ROBO1: variants seen among roughly 807,000 people sequenced by gnomAD.
The protein encoded by ROBO1 is roundabout guidance receptor 1, also known as roundabout homolog 1.
ROBO1 carries 149 observed loss-of-function variants against 195.9 expected under a neutral mutation model. The observed-to-expected ratio is 0.76, with a 90% CI of 0.67 to 0.87. The LOEUF (loss-of-function observed/expected upper bound fraction) is 0.87, where lower values mean the gene tolerates loss of function less well. ROBO1 is among the 40% of genes least tolerant of loss of function. The pLI is 0.00. For missense variants in ROBO1, 1,933 were observed against 2,068.3 expected, an observed-to-expected ratio of 0.93 and a Z score of 1.27; for synonymous variants, 816 against 733.2, an observed-to-expected ratio of 1.11 and a Z score of -1.82.
At chr3:79,038,576 T>C (rs1253117391) in intron 3 of ROBO1, among the ~76,000 whole-genome samples, 2 of 152,180 alleles carry the variant, frequency 1.3e-5, no homozygotes, top group Non-Finnish European at 2.9e-5. Context: ...TGTATACTTG[T>C]TGATTTTGTA....
chr3:78,723,162 T>C (rs556986686), intron 5 of ROBO1, among the ~76,000 whole-genome samples: 1 of 152,294 alleles, frequency 6.6e-6, no homozygotes, highest in South Asian at 2.1e-4. Context: ...GTTGCGGCTG[T>C]TGTAAGATCG....
chr3:79,236,486 A>T (rs969003673), intron 2 of ROBO1, among the ~76,000 whole-genome samples: 1 of 152,216 alleles, frequency 6.6e-6, no homozygotes, highest in Non-Finnish European at 1.5e-5. Flanking sequence ...ATACATAAAA[A>T]TTAACAACTT....
At chr3:79,028,850 T>A (rs1170755309) in intron 3 of ROBO1, among the ~76,000 whole-genome samples, 1 of 152,108 alleles carries the variant, frequency 6.6e-6, no homozygotes, top group Non-Finnish European at 1.5e-5. Context: ...TGAAAATGTT[T>A]GTTTTTCACA....
intron 3 of ROBO1, among the ~76,000 whole-genome samples, chr3:79,061,964 C>T (rs1414405891): frequency 6.6e-6 from 1 of 151,448 alleles, no homozygotes; most frequent in Non-Finnish European, 1.5e-5. Context: ...ACTAAAACAC[C>T]AAAAGTAATG....
At chr3:79,459,570 T>TC (rs2039732441) in intron 2 of ROBO1, among the ~76,000 whole-genome samples, 1 of 152,100 alleles carries the variant, frequency 6.6e-6, no homozygotes, top group African/African-American at 2.4e-5. Flanking sequence ...ATGCATTTTT[T>TC]CTCTGAAAAT....
At chr3:79,715,462 G>C (rs1363854449) in intron 1 of ROBO1, among the ~76,000 whole-genome samples, 1 of 151,962 alleles carries the variant, frequency 6.6e-6, no homozygotes. Flanking sequence ...GACAATGAAG[G>C]GTCAGCATTT....
intron 5 of ROBO1, among the ~76,000 whole-genome samples, chr3:78,733,390 G>A (rs2082324307): frequency 6.6e-6 from 1 of 151,674 alleles, no homozygotes; most frequent in Non-Finnish European, 1.5e-5. Flanking sequence ...CCTTTTGAAT[G>A]TACTATTTGT....
chr3:79,569,271 AT>A (rs1276108303), intron 2 of ROBO1, among the ~76,000 whole-genome samples: 1 of 152,260 alleles, frequency 6.6e-6, no homozygotes, highest in African/African-American at 2.4e-5. Context: ...TAGGACTAAC[AT>A]AAATTGAGAA....
At chr3:79,319,620 C>T (rs934972020) in intron 2 of ROBO1, among the ~76,000 whole-genome samples, 3 of 151,704 alleles carry the variant, frequency 2.0e-5, no homozygotes, top group African/African-American at 4.8e-5. Context: ...GAAAACTGTG[C>T]CTAAAAGTGG....
Position 79,071,868 on chromosome 3 carries a change from T to A in ROBO1, c.172+53588A>T, listed in dbSNP as rs79216603. The stretch of plus-strand genomic sequence containing the variant: ...AAAGTTTGCATGGTTATTCTGTATA[T>A]TCCATAAATAAATAATTAAATCTAC... On this transcript the variant is annotated intron_variant, in intron 3 of 30. Coordinates refer to ENST00000464233, the MANE Select transcript of ROBO1 (RefSeq NM_002941.4). Among the ~76,000 whole-genome samples the A allele has an allele frequency of 6.5e-4, 98 of 151,870 alleles. No individual in the cohort carries two copies. In the East Asian group the frequency reaches 0.019, roughly 29 times the overall value.
intron 2 of ROBO1, among the ~76,000 whole-genome samples, chr3:79,142,720 C>T (rs2080553226): frequency 1.3e-5 from 2 of 151,978 alleles, no homozygotes; most frequent in African/African-American, 4.8e-5. Context: ...TTTCCATTGG[C>T]CTTTGGTTAC....
At chr3:79,115,471 C>T (rs1218106388) in intron 3 of ROBO1, among the ~76,000 whole-genome samples, 5 of 152,080 alleles carry the variant, frequency 3.3e-5, no homozygotes, top group African/African-American at 1.2e-4. Flanking sequence ...AGTCCCTCAG[C>T]GTCTTCCTCC....
At chr3:79,664,511 T>C (rs28712703) in intron 1 of ROBO1, among the ~76,000 whole-genome samples, 4,915 of 152,144 alleles carry the variant, frequency 0.032, 222 homozygotes, top group African/African-American at 0.1. Flanking sequence ...GTCAGAAATA[T>C]GCTTTAGCAT....
intron 1 of ROBO1, among the ~76,000 whole-genome samples, chr3:79,664,438 C>G (rs1326773512): frequency 6.6e-6 from 1 of 152,070 alleles, no homozygotes. Context: ...ATACAGTCTA[C>G]ATAAGCTATG....
chr3:79,491,461 T>C (rs908394982), intron 2 of ROBO1, among the ~76,000 whole-genome samples: 2 of 152,120 alleles, frequency 1.3e-5, no homozygotes, highest in African/African-American at 2.4e-5. Flanking sequence ...GAAATAGAAC[T>C]GTCAGTGAAA....
intron 1 of ROBO1, among the ~76,000 whole-genome samples, chr3:79,665,417 T>C (rs1356812983): frequency 6.6e-6 from 1 of 151,878 alleles, no homozygotes; most frequent in African/African-American, 2.4e-5. Flanking sequence ...TAAAAACATA[T>C]ATTTTCAGCT....
At chr3:79,216,642 G>A (rs2082060206) in intron 2 of ROBO1, among the ~76,000 whole-genome samples, 1 of 151,894 alleles carries the variant, frequency 6.6e-6, no homozygotes, top group Non-Finnish European at 1.5e-5. Context: ...CTGGAATTTT[G>A]CATTTATTGT....
At chr3:78,642,955 C>T (rs966232026) in intron 21 of ROBO1, among the ~76,000 whole-genome samples, 25 of 152,014 alleles carry the variant, frequency 1.6e-4, no homozygotes, top group Non-Finnish European at 1.8e-4. Flanking sequence ...TATTCAATGG[C>T]TCATTCATTT....
chr3:78,863,244 G>C (rs1224268401), intron 4 of ROBO1, among the ~76,000 whole-genome samples: 1 of 152,174 alleles, frequency 6.6e-6, no homozygotes, highest in African/African-American at 2.4e-5. Flanking sequence ...CACCTAGTGA[G>C]TGGTACAGGC....
Sources: gnomAD v4.1 joint callset for allele counts (sites outside exome capture counted in the v4.1 genomes callset) on GRCh38, gnomAD v4.1.1 for gene constraint, MANE v1.5 for transcripts, NCBI Gene and HGNC (gene_info 2026-07-23, HGNC 2026-07-21) for gene names.